Variants in BABAM2 observed in about 807,000 individuals in gnomAD.
The protein encoded by BABAM2 is BRISC and BRCA1 A complex member 2, also known as BRISC and BRCA1-A complex member 2.
In BABAM2, 31 loss-of-function variants were observed where a neutral mutation model predicts 54.7. The ratio of observed to expected loss-of-function variants is 0.57; its 90% CI spans 0.43 to 0.77. The LOEUF is 0.77. BABAM2 is among the 30% of genes least tolerant of loss of function. The pLI, the probability that BABAM2 is intolerant of heterozygous loss-of-function variation, is 0.00. For synonymous variants in BABAM2, 167 were observed against 162.9 expected (o/e 1.03, Z -0.19); for missense variants, 364 against 455.8 (o/e 0.80, Z 1.83).
intron 7 of BABAM2, among the ~76,000 whole-genome samples, chr2:28,173,253 T>G (rs1674556220): frequency 6.6e-6 from 1 of 152,206 alleles, no homozygotes; most frequent in Non-Finnish European, 1.5e-5. Flanking sequence ...ACCATTTACT[T>G]CTGATAAGAC....
chr2:28,109,884 A>G (rs62140431), intron 6 of BABAM2, among the ~76,000 whole-genome samples: 34,275 of 152,148 alleles, frequency 0.23, 4,585 homozygotes, highest in Middle Eastern at 0.33. Context: ...AAATATATAT[A>G]ACATAAAAAC....
intron 6 of BABAM2, among the ~76,000 whole-genome samples, chr2:28,113,298 T>A (rs1668305838): frequency 6.6e-6 from 1 of 151,792 alleles, no homozygotes; most frequent in African/African-American, 2.4e-5. Flanking sequence ...CCTGATGGAT[T>A]AAATCTTTAA....
intron 6 of BABAM2, among the ~76,000 whole-genome samples, chr2:28,049,290 A>T (rs572576666): frequency 1.3e-5 from 2 of 152,356 alleles, no homozygotes; most frequent in Admixed American, 6.5e-5. Flanking sequence ...TTAAATAGCA[A>T]CTATTTCCTG....
Position 28,286,927 on chromosome 2 carries a change from C to G in BABAM2, c.935-11411C>G, listed in dbSNP as rs1336041127. On this transcript the variant is annotated intron_variant, in intron 10 of 11. Transcript: ENST00000379624. ...TTTCTCTAGAATGTAAAGGTCATAA[C>G]TAGATCCTTTAGGGAAAAAAGTTAG... Among the ~76,000 whole-genome samples, 3 of 152,076 alleles carry G rather than the reference C, an allele frequency of 2.0e-5. No homozygotes were observed. In the East Asian group the frequency reaches 5.8e-4, roughly 29 times the overall value.
At chr2:28,167,007 G>T (rs1673749941) in intron 7 of BABAM2, among the ~76,000 whole-genome samples, 1 of 152,182 alleles carries the variant, frequency 6.6e-6, no homozygotes, top group Non-Finnish European at 1.5e-5. Context: ...GTGTTAACAT[G>T]CTGGTGGGTG....
At chr2:28,177,019 A>G (rs188949661) in intron 7 of BABAM2, among the ~76,000 whole-genome samples, 109 of 152,278 alleles carry the variant, frequency 7.2e-4, no homozygotes, top group African/African-American at 1.8e-3. Flanking sequence ...CTTTCTAAGT[A>G]TAGCAATAAA....
Position 27,894,747 on chromosome 2 carries a change from C to G in BABAM2, c.128+63C>G. 3 of 1,579,650 alleles carry G rather than the reference C, an allele frequency of 1.9e-6. No individual in the cohort carries two copies. The South Asian group carries it at 3.4e-5, about 18-fold the overall frequency. On this transcript the variant is annotated intron_variant, in intron 2 of 11. Coordinates refer to ENST00000379624, the MANE Select transcript of BABAM2 (RefSeq NM_199191.3). Reference sequence around the variant, plus strand: ...CAATTCAACCTTTACCTAATGACAGCCCTTCCTTACCAGACTCATAAAAAT... The same window carrying G: ...CAATTCAACCTTTACCTAATGACAGGCCTTCCTTACCAGACTCATAAAAAT...
At chr2:27,968,777 C>A (rs1671000598) in intron 3 of BABAM2, among the ~76,000 whole-genome samples, 1 of 152,306 alleles carries the variant, frequency 6.6e-6, no homozygotes, top group Non-Finnish European at 1.5e-5. Flanking sequence ...TGCCTGTACC[C>A]TCATTTTATC....
chr2:27,910,047 G>A (rs1666465609), intron 2 of BABAM2, among the ~76,000 whole-genome samples: 1 of 152,208 alleles, frequency 6.6e-6, no homozygotes, highest in African/African-American at 2.4e-5. Context: ...GGGTTGCATA[G>A]CTAAGCCATT....
At chr2:28,199,016 A>G (rs1414935011) in intron 7 of BABAM2, among the ~76,000 whole-genome samples, 1 of 152,220 alleles carries the variant, frequency 6.6e-6, no homozygotes, top group African/African-American at 2.4e-5. Context: ...TAAGATTATT[A>G]GAATTTTTGG....
Position 28,060,460 on chromosome 2 carries a change from C to G in BABAM2, c.570+14661C>G, listed in dbSNP as rs900450573. The stretch of plus-strand genomic sequence containing the variant: ...ATTAAGAAGGCAAAGATGTTACTCT[C>G]ACCATTCTATTCAGTACTGGGGGGG... On this transcript the variant is annotated intron_variant, in intron 6 of 11. Coordinates refer to ENST00000379624, the MANE Select transcript of BABAM2 (RefSeq NM_199191.3). 9.9e-5 allele frequency among the ~76,000 whole-genome samples: 15 copies of G among 152,186 alleles called. 1 individual carries two copies. Among genetic ancestry groups the G allele is most frequent in the Admixed American group, 9.8e-4 (15 of 15,286 alleles).
rs116647811 is a variant in BABAM2 at position 28,250,891 on chromosome 2, G to A, written c.934+6029G>A. 7.4e-3 allele frequency among the ~76,000 whole-genome samples: 1,133 copies of A among 152,130 alleles called. 9 individuals are homozygous for A. The highest frequency in any genetic ancestry group is 0.026 in the African/African-American group (1,078 of 41,514). On this transcript the variant is annotated intron_variant, in intron 10 of 11. Transcript: ENST00000379624. ...TAGGATTACAGGCGTGAGCCACCAC[G>A]CCCAGCCACAGTCTTATGTTTTTAA...
intron 6 of BABAM2, among the ~76,000 whole-genome samples, chr2:28,053,182 A>G (rs1678129495): frequency 6.6e-6 from 1 of 152,156 alleles, no homozygotes; most frequent in African/African-American, 2.4e-5. Context: ...GGCTGACCTT[A>G]CAAGTTTTTC....
chr2:28,112,185 CCCTCCCTCCCTCCCTT>C lies in BABAM2; in HGVS notation c.571-17082_571-17067del, dbSNP rs1558347201. On this transcript the variant is annotated intron_variant, in intron 6 of 11. Transcript: ENST00000379624. ...TCCCTCCCTCCCTCCCTCCCTCCCT[CCCTCCCTCCCTCCCTT>C]CCTTCCTTCCTTCCTTCCTTCCTTC... is the stretch of plus-strand genomic sequence containing the variant. Among the ~76,000 whole-genome samples, 29 of 30,564 alleles carry C rather than the reference CCCTCCCTCCCTCCCTT, an allele frequency of 9.5e-4. 2 individuals carry two copies. Among genetic ancestry groups the C allele is most frequent in the East Asian group, 5.0e-3 (4 of 804 alleles). 20.1% of individuals were successfully genotyped at this position (30,564 alleles called of 152,430 possible).
At chr2:28,190,124 G>GC (rs1367116706) in intron 7 of BABAM2, among the ~76,000 whole-genome samples, 1 of 152,182 alleles carries the variant, frequency 6.6e-6, no homozygotes, top group Non-Finnish European at 1.5e-5. Context: ...TTACCCCATA[G>GC]CATGTACAGC....
At position 28,304,713 on chromosome 2, in the gene BABAM2, C is replaced by T. The variant is rs1688376997; in HGVS notation, c.1088+6222C>T. On this transcript the variant is annotated intron_variant, in intron 11 of 11. Transcript: ENST00000379624. The surrounding 1 kb of genome is among the most constrained non-coding windows in gnomAD (Gnocchi z 4.0). ...GCTTCAGCCTCTTAAGTAGCTGGGACTACAGGCACACGCTGCCACGCCAGG... is the reference window on the plus strand; with the variant it reads ...GCTTCAGCCTCTTAAGTAGCTGGGATTACAGGCACACGCTGCCACGCCAGG... 6.6e-6 allele frequency among the ~76,000 whole-genome samples: 1 copy of T among 152,048 alleles called. No homozygotes were observed. Among genetic ancestry groups the T allele is most frequent in the Non-Finnish European group, 1.5e-5 (1 of 68,018 alleles).
chr2:27,987,366 A>T (rs1288308745), intron 3 of BABAM2, among the ~76,000 whole-genome samples: 1 of 152,234 alleles, frequency 6.6e-6, no homozygotes, highest in Non-Finnish European at 1.5e-5. Flanking sequence ...TTACTAATTA[A>T]TTAGCAGGCA....
intron 11 of BABAM2, among the ~76,000 whole-genome samples, chr2:28,332,114 G>T (rs7578305): frequency 0.23 from 34,735 of 152,014 alleles, 5,575 homozygotes; most frequent in East Asian, 0.56. Context: ...TGAACAATGA[G>T]AACACATGGA....
rs751260844 is a variant in BABAM2, at chr2:27,995,008, G to A, written c.300+6921G>A. ...ATCTCTAAAGAATGCAAGACTAGCAGTTGTAGGGAGCAGCTATTCTAGAGC... is the reference window on the plus strand; with the variant it reads ...ATCTCTAAAGAATGCAAGACTAGCAATTGTAGGGAGCAGCTATTCTAGAGC... On this transcript the variant is annotated intron_variant, in intron 4 of 11. Transcript: ENST00000379624. This position sits in a 1 kb window ranked among gnomAD's most constrained non-coding sequence, Gnocchi z 4.1. 1.3e-5 allele frequency among the ~76,000 whole-genome samples: 2 copies of A among 152,210 alleles called. No homozygotes were observed. Among genetic ancestry groups the A allele is most frequent in the African/African-American group, 2.4e-5 (1 of 41,460 alleles).
Sources: allele counts gnomAD v4.1 joint callset (sites outside exome capture counted in the v4.1 genomes callset), GRCh38; gene constraint gnomAD v4.1.1; non-coding constraint Gnocchi (gnomAD v3.1); transcripts MANE v1.5; gene names NCBI Gene and HGNC (gene_info 2026-07-23, HGNC 2026-07-21).